Variants in BRF1 observed in about 807,000 individuals in gnomAD.
BRF1 encodes the protein BRF1 general transcription factor IIIB subunit, also known as transcription factor IIIB 90 kDa subunit.
In BRF1, 59 loss-of-function variants were observed where a neutral mutation model predicts 81.7. The ratio of observed to expected loss-of-function variants is 0.72; its 90% CI spans 0.59 to 0.90. BRF1 has a LOEUF of 0.90. BRF1 is among the 40% of genes least tolerant of loss of function. The pLI is 0.00. For synonymous variants in BRF1, 491 were observed against 395.6 expected, an observed-to-expected ratio of 1.24 and a Z score of -2.86; for missense variants, 1,050 against 936.3, an observed-to-expected ratio of 1.12 and a Z score of -1.58.
Position 105,228,806 on chromosome 14 carries a change from T to TGA in BRF1, c.788+12_788+13dup. 6.2e-7 allele frequency: 1 copy of TGA among 1,613,154 alleles called. No homozygotes were observed. ...CTCTGTGTGGTCCCCATGCCATGAA[T>TGA]GAGAGCCCCTCACCTCTTCCGCAGC... On this transcript the variant is annotated intron_variant, in intron 7 of 17. Coordinates refer to ENST00000547530, the MANE Select transcript of BRF1 (RefSeq NM_001519.4).
intron 5 of BRF1, among the ~76,000 whole-genome samples, chr14:105,252,169 G>A (rs1002882756): frequency 1.3e-5 from 2 of 152,136 alleles, no homozygotes; most frequent in African/African-American, 2.4e-5. Context: ...CAGGCCTTCT[G>A]GTTTTGCAGC....
At chr14:105,218,271 C>T (rs774258063) in intron 14 of BRF1, among the ~76,000 whole-genome samples, 4 of 152,188 alleles carry the variant, frequency 2.6e-5, no homozygotes, top group Admixed American at 2.0e-4. Context: ...GGAGCTGGAG[C>T]CATAGACCAC....
intron 6 of BRF1, among the ~76,000 whole-genome samples, chr14:105,240,871 G>T (rs1379287116): frequency 7.7e-5 from 11 of 143,344 alleles, no homozygotes; most frequent in Admixed American, 5.5e-4. Flanking sequence ...GCGGGGGACA[G>T]CCTGGCAGCC....
At chr14:105,223,302 G>C (rs758920705) in intron 10 of BRF1, among the ~76,000 whole-genome samples, 1 of 151,160 alleles carries the variant, frequency 6.6e-6, no homozygotes, top group Admixed American at 6.6e-5. Flanking sequence ...TTGTACACGA[G>C]TGTTCACGAG....
intron 15 of BRF1, among the ~76,000 whole-genome samples, chr14:105,214,357 A>G (rs587719745): frequency 6.6e-6 from 1 of 151,942 alleles, no homozygotes; most frequent in Non-Finnish European, 1.5e-5. Flanking sequence ...AGCCCGAGTG[A>G]CCACAGAGTG....
intron 10 of BRF1, among the ~76,000 whole-genome samples, chr14:105,225,412 C>T (rs928987661): frequency 3.3e-5 from 5 of 152,160 alleles, no homozygotes; most frequent in East Asian, 1.9e-4. Context: ...TCATTATACC[C>T]GCTTATACCC....
intron 1 of BRF1, among the ~76,000 whole-genome samples, chr14:105,289,035 C>CCA (rs2057419870): frequency 1.0e-5 from 1 of 96,508 alleles, no homozygotes; most frequent in Non-Finnish European, 2.1e-5. Context: ...GACCCTGTCT[C>CCA]AAAAAAAAAA....
chr14:105,284,946 A>C lies in BRF1; in HGVS notation c.265+1350T>G, dbSNP rs1262166768. ...ACAAGATCAATACATATCAACTGAG[A>C]CTAAATTCGACAAAAGAAGTACAAA... On this transcript the variant is annotated intron_variant, in intron 2 of 17. Coordinates refer to ENST00000547530, the MANE Select transcript of BRF1 (RefSeq NM_001519.4). The surrounding 1 kb of genome is among the most constrained non-coding windows in gnomAD (Gnocchi z 4.0). Among the ~76,000 whole-genome samples, 1 of 152,258 alleles carries C rather than the reference A, an allele frequency of 6.6e-6. No individual in the cohort carries two copies. Among genetic ancestry groups the C allele is most frequent in the Non-Finnish European group, 1.5e-5 (1 of 68,048 alleles).
intron 5 of BRF1, chr14:105,250,775 C>G: frequency 4.1e-6 from 5 of 1,221,838 alleles, no homozygotes; most frequent in Non-Finnish European, 4.6e-6. Context: ...CTTTGTCTCT[C>G]TTTGACATGT....
chr14:105,249,778 C>T (rs2055476470), intron 5 of BRF1: 4 of 1,613,870 alleles, frequency 2.5e-6, no homozygotes, highest in African/African-American at 2.7e-5. Flanking sequence ...CCAAGAACGC[C>T]TGCGTCCTGC....
At chr14:105,220,712 C>T (rs1369865080) in intron 11 of BRF1, among the ~76,000 whole-genome samples, 3 of 152,190 alleles carry the variant, frequency 2.0e-5, no homozygotes, top group Non-Finnish European at 4.4e-5. Flanking sequence ...CCTCTCCTTG[C>T]CACAGCCCCA....
chr14:105,260,823 G>A (rs1448007273), intron 3 of BRF1, among the ~76,000 whole-genome samples: 4 of 152,224 alleles, frequency 2.6e-5, no homozygotes. Flanking sequence ...TCTATCAGGC[G>A]CTTTCAGGGA....
At chr14:105,224,172 C>T (rs1892731841) in intron 10 of BRF1, among the ~76,000 whole-genome samples, 1 of 152,218 alleles carries the variant, frequency 6.6e-6, no homozygotes, top group African/African-American at 2.4e-5. Flanking sequence ...AGTTCGAGAT[C>T]AGCCTGGCCA....
Position 105,300,703 on chromosome 14 carries a change from G to A in BRF1, c.-74C>T. On this transcript the variant is annotated 5_prime_UTR_variant, in exon 1 of 18. Coordinates refer to ENST00000547530, the MANE Select transcript of BRF1 (RefSeq NM_001519.4). ...CACCCGAGCCTCCGGAGCAGCCCGCGCCGCCCGCCCAGGCCCAGCCGCCCA... is the reference window on the plus strand; with the variant it reads ...CACCCGAGCCTCCGGAGCAGCCCGCACCGCCCGCCCAGGCCCAGCCGCCCA... The A allele has an allele frequency of 8.5e-7, 1 of 1,172,734 alleles. No individual in the cohort carries two copies. Among genetic ancestry groups the A allele is most frequent in the East Asian group, 3.4e-5 (1 of 29,484 alleles). The allele number at this position is 1,172,734 out of a possible 1,614,324, so 72.6% of individuals were successfully genotyped here.
chr14:105,296,080 CAAAAAAA>C (rs58030113), intron 1 of BRF1, among the ~76,000 whole-genome samples: 2 of 56,924 alleles, frequency 3.5e-5, no homozygotes, highest in Non-Finnish European at 6.8e-5. Context: ...CACTCTATCT[CAAAAAAA>C]AAAAAAAAAA....
intron 2 of BRF1, among the ~76,000 whole-genome samples, chr14:105,280,816 C>T (rs1595455897): frequency 6.7e-6 from 1 of 149,350 alleles, no homozygotes; most frequent in East Asian, 2.0e-4. Context: ...TAATCTTGAG[C>T]CCAGGTGTGC....
chr14:105,227,140 C>G (rs937579128), intron 7 of BRF1: 5 of 240,580 alleles, frequency 2.1e-5, no homozygotes, highest in Non-Finnish European at 4.0e-5. Context: ...AAATAAAAGG[C>G]CAGGTGCTGT....
intron 14 of BRF1, among the ~76,000 whole-genome samples, chr14:105,218,619 C>T (rs895511845): frequency 5.3e-5 from 8 of 152,222 alleles, no homozygotes; most frequent in African/African-American, 1.7e-4. Flanking sequence ...AGCAAGTCAC[C>T]GTGACGGCCA....
chr14:105,210,416 G>T lies in BRF1; in HGVS notation c.*135C>A. 2 of 901,900 alleles carry T rather than the reference G, an allele frequency of 2.2e-6. No individual in the cohort carries two copies. Among genetic ancestry groups the T allele is most frequent in the African/African-American group, 1.7e-5 (1 of 60,260 alleles). 55.9% of individuals were successfully genotyped at this position (901,900 alleles called of 1,614,324 possible). A position where few individuals can be genotyped will look rare whatever the true frequency, so the allele number is the denominator to read the frequency against. On this transcript the variant is annotated 3_prime_UTR_variant, in exon 18 of 18. Transcript: ENST00000547530. The surrounding 1 kb of genome is among the most constrained non-coding windows in gnomAD (Gnocchi z 4.7). ...ATGGTAAGTTCCACATGGGACGAGGGCTGTGGGACAGGTGCCACCTGTCAC... is the reference window on the plus strand; with the variant it reads ...ATGGTAAGTTCCACATGGGACGAGGTCTGTGGGACAGGTGCCACCTGTCAC...
Sources: gnomAD v4.1 joint callset for allele counts (sites outside exome capture counted in the v4.1 genomes callset) on GRCh38, gnomAD v4.1.1 for gene constraint, Gnocchi (gnomAD v3.1) non-coding constraint, MANE v1.5 for transcripts, NCBI Gene and HGNC (gene_info 2026-07-23, HGNC 2026-07-21) for gene names.